GNA14: variants seen among roughly 807,000 people sequenced by gnomAD.
GNA14 encodes G protein subunit alpha 14.
Under a neutral mutation model 42.0 loss-of-function variants are expected in GNA14, and 50 were observed. The ratio of observed to expected loss-of-function variants is 1.19; its 90% CI spans 0.95 to 1.51. The LOEUF is 1.51. GNA14 is among the 40% of genes most tolerant of loss of function. The pLI, the probability that GNA14 is intolerant of heterozygous loss-of-function variation, is 0.00. For missense variants in GNA14, 473 were observed against 446.2 expected, an observed-to-expected ratio of 1.06 and a Z score of -0.54; for synonymous variants, 173 against 163.1, an observed-to-expected ratio of 1.06 and a Z score of -0.46.
At chr9:77,561,969 T>A (rs1205525210) in intron 1 of GNA14, among the ~76,000 whole-genome samples, 1 of 152,190 alleles carries the variant, frequency 6.6e-6, no homozygotes, top group Non-Finnish European at 1.5e-5. Context: ...ACTTTCTCCC[T>A]TTTTGGGGAT....
intron 1 of GNA14, among the ~76,000 whole-genome samples, chr9:77,554,118 G>T (rs1822727235): frequency 1.3e-5 from 2 of 152,128 alleles, no homozygotes; most frequent in African/African-American, 4.8e-5. Flanking sequence ...CCATGAACAG[G>T]CTCTCAATTG....
intron 2 of GNA14, among the ~76,000 whole-genome samples, chr9:77,493,572 G>C (rs2182751): frequency 0.62 from 93,614 of 152,018 alleles, 30,512 homozygotes; most frequent in African/African-American, 0.83. Context: ...CCTCACAATA[G>C]TGTCCACTTA....
chr9:77,635,954 T>A (rs2378029), intron 1 of GNA14, among the ~76,000 whole-genome samples: 37,354 of 152,104 alleles, frequency 0.25, 6,464 homozygotes, highest in African/African-American at 0.48. Context: ...TTGTATTTCA[T>A]AAATGTATCA....
chr9:77,539,346 G>C (rs1203964657), intron 1 of GNA14, among the ~76,000 whole-genome samples: 1 of 152,066 alleles, frequency 6.6e-6, no homozygotes, highest in African/African-American at 2.4e-5. Context: ...TTGTATCCCT[G>C]GTATAAATTC....
intron 2 of GNA14, among the ~76,000 whole-genome samples, chr9:77,450,449 G>T (rs1185657854): frequency 6.6e-6 from 1 of 152,056 alleles, no homozygotes. Context: ...AAATCTTGCC[G>T]ATTCTCATCA....
chr9:77,465,499 T>G (rs1836206256), intron 2 of GNA14, among the ~76,000 whole-genome samples: 1 of 152,218 alleles, frequency 6.6e-6, no homozygotes, highest in Non-Finnish European at 1.5e-5. Context: ...TTTTCATTTC[T>G]TTTGGGTATA....
At chr9:77,604,662 T>C (rs900325902) in intron 1 of GNA14, among the ~76,000 whole-genome samples, 1 of 152,192 alleles carries the variant, frequency 6.6e-6, no homozygotes, top group Non-Finnish European at 1.5e-5. Context: ...CAAAATCACA[T>C]AATCCAGAGC....
intron 1 of GNA14, among the ~76,000 whole-genome samples, chr9:77,588,387 G>T (rs922267672): frequency 6.6e-6 from 1 of 152,168 alleles, no homozygotes; most frequent in Non-Finnish European, 1.5e-5. Context: ...AATGAAGAAT[G>T]TGAAAGTAAC....
chr9:77,493,026 A>AATATATATATATATAT lies in GNA14; in HGVS notation c.309+36027_309+36042dup, dbSNP rs1172872010. Reference sequence around the variant, plus strand: ...AGGAAAAAAAAAAAAAAAAAAAAAAAATATATATATATATATATATTTGGG... The same window carrying AATATATATATATATAT: ...AGGAAAAAAAAAAAAAAAAAAAAAAAATATATATATATATATATATATATATATATATATATTTGGG... On this transcript the variant is annotated intron_variant, in intron 2 of 6. Transcript: ENST00000341700. Among the ~76,000 whole-genome samples the AATATATATATATATAT allele has an allele frequency of 2.6e-3, 134 of 51,540 alleles. 1 individual carries two copies. Among genetic ancestry groups the AATATATATATATATAT allele is most frequent in the East Asian group, 5.6e-3 (5 of 886 alleles). 33.8% of individuals were successfully genotyped at this position (51,540 alleles called of 152,430 possible). A position where few individuals can be genotyped will look rare whatever the true frequency, so the allele number is the denominator to read the frequency against.
At chr9:77,615,886 C>G (rs530504738) in intron 1 of GNA14, among the ~76,000 whole-genome samples, 1 of 151,302 alleles carries the variant, frequency 6.6e-6, no homozygotes, top group East Asian at 1.9e-4. Context: ...TTGGAGAAAT[C>G]CCAAAGTAGA....
chr9:77,467,011 G>T (rs1025782780), intron 2 of GNA14, among the ~76,000 whole-genome samples: 41 of 151,280 alleles, frequency 2.7e-4, no homozygotes, highest in Non-Finnish European at 4.9e-4. Context: ...GTGTGTGTGT[G>T]TGTGTGTGTG....
chr9:77,595,665 T>C (rs1453279033), intron 1 of GNA14, among the ~76,000 whole-genome samples: 1 of 152,214 alleles, frequency 6.6e-6, no homozygotes, highest in Non-Finnish European at 1.5e-5. Flanking sequence ...TTCCTTTCCC[T>C]TCCTGCTACT....
intron 1 of GNA14, among the ~76,000 whole-genome samples, chr9:77,578,915 C>T (rs1260674300): frequency 6.6e-6 from 1 of 152,162 alleles, no homozygotes; most frequent in Non-Finnish European, 1.5e-5. Flanking sequence ...ACTTGATGGG[C>T]ATCCAAAACA....
chr9:77,450,174 T>C (rs1414526700), intron 2 of GNA14, among the ~76,000 whole-genome samples: 5 of 152,210 alleles, frequency 3.3e-5, no homozygotes, highest in Non-Finnish European at 5.9e-5. Flanking sequence ...GTCTCCACTC[T>C]GAATTCTTCA....
Position 77,458,310 on chromosome 9 carries a change from T to C in GNA14, c.310-23788A>G, listed in dbSNP as rs1372231796. Among the ~76,000 whole-genome samples the C allele has an allele frequency of 2.0e-5, 3 of 152,080 alleles. No individual in the cohort carries two copies. In the East Asian group the frequency reaches 5.8e-4, roughly 29 times the overall value. On this transcript the variant is annotated intron_variant, in intron 2 of 6. Transcript: ENST00000341700. ...ACAGCTTTGAGGGGGGAAAAGAAAG[T>C]CTCCTGGGAACTCTTTGCAGCCTGG...
chr9:77,608,533 A>C (rs1027157365), intron 1 of GNA14, among the ~76,000 whole-genome samples: 10 of 152,190 alleles, frequency 6.6e-5, no homozygotes, highest in African/African-American at 1.9e-4. Context: ...CCTGGCCAGC[A>C]AAAACTAGAA....
Position 77,528,808 on chromosome 9 carries a change from G to A in GNA14, c.309+261C>T, listed in dbSNP as rs76862818. Among the ~76,000 whole-genome samples the A allele has an allele frequency of 5.2e-3, 791 of 152,186 alleles. 8 individuals carry two copies. The highest frequency in any genetic ancestry group is 0.018 in the African/African-American group (749 of 41,514). ...TGTATGACTTCCTTTTCTCAGCGCCGGAAATAAGGAACCTAAATAACAGCC... is the reference window on the plus strand; with the variant it reads ...TGTATGACTTCCTTTTCTCAGCGCCAGAAATAAGGAACCTAAATAACAGCC... On this transcript the variant is annotated intron_variant, in intron 2 of 6. Coordinates refer to ENST00000341700, the MANE Select transcript of GNA14 (RefSeq NM_004297.4).
chr9:77,563,679 A>T (rs1205466911), intron 1 of GNA14, among the ~76,000 whole-genome samples: 2 of 151,674 alleles, frequency 1.3e-5, no homozygotes, highest in Admixed American at 1.3e-4. Context: ...TTTAAACAAG[A>T]TTTTTTTTTC....
intron 1 of GNA14, among the ~76,000 whole-genome samples, chr9:77,560,763 T>C (rs1822868792): frequency 6.6e-6 from 1 of 152,220 alleles, no homozygotes; most frequent in Non-Finnish European, 1.5e-5. Flanking sequence ...CACAGAACTT[T>C]GCAGAAAGAC....
Sources: allele counts gnomAD v4.1 joint callset (sites outside exome capture counted in the v4.1 genomes callset), GRCh38; gene constraint gnomAD v4.1.1; transcripts MANE v1.5; gene names NCBI Gene and HGNC (gene_info 2026-07-23, HGNC 2026-07-21).